The following GRIN2B variants were observed in gnomAD, a reference collection of about 807,000 sequenced individuals.
The protein encoded by GRIN2B is glutamate receptor ionotropic, NMDA 2B.
A neutral mutation model predicts 114.5 loss-of-function variants in GRIN2B; 5 were observed. That is an observed-to-expected ratio of 0.04 (90% confidence interval 0.02 to 0.09). The LOEUF (loss-of-function observed/expected upper bound fraction) is 0.09. Ranked by LOEUF, GRIN2B falls within the 10% of genes least tolerant of loss-of-function variation. The probability of loss-of-function intolerance (pLI) is 1.00; values close to 1 mark genes in which losing one functional copy is unlikely to be tolerated. For missense variants in GRIN2B, 1,108 were observed against 1,943.5 expected (o/e 0.57, Z 8.08); for synonymous variants, 787 against 745.1 (o/e 1.06, Z -0.92).
At chr12:13,729,920 C>G (rs1482458204) in intron 4 of GRIN2B, among the ~76,000 whole-genome samples, 1 of 151,558 alleles carries the variant, frequency 6.6e-6, no homozygotes, top group East Asian at 1.9e-4. Flanking sequence ...AAAATGCCAG[C>G]ATCTCTGGGC....
intron 3 of GRIN2B, among the ~76,000 whole-genome samples, chr12:13,848,942 G>A (rs944045609): frequency 6.6e-6 from 1 of 152,170 alleles, no homozygotes; most frequent in African/African-American, 2.4e-5. Flanking sequence ...GTAACTACTT[G>A]CTGGGTTACC....
intron 4 of GRIN2B, among the ~76,000 whole-genome samples, chr12:13,676,608 T>C (rs925729698): frequency 7.9e-5 from 12 of 152,114 alleles, no homozygotes; most frequent in Non-Finnish European, 5.9e-5. Flanking sequence ...GATTAAAGGT[T>C]GGAAGTGGTG....
Position 13,542,459 on chromosome 12 carries a change from G to A in GRIN2B, c.*20324C>T, listed in dbSNP as rs924126797. The A allele has an allele frequency of 6.6e-6, 1 of 152,154 alleles. No individual in the cohort carries two copies. Among genetic ancestry groups the A allele is most frequent in the Non-Finnish European group, 1.5e-5 (1 of 68,042 alleles). The allele number at this position is 152,154 out of a possible 1,614,324, so 9.4% of individuals were successfully genotyped here. A position where few individuals can be genotyped will look rare whatever the true frequency, so the allele number is the denominator to read the frequency against. On this transcript the variant is annotated 3_prime_UTR_variant, in exon 14 of 14. Transcript: ENST00000609686. ...AACATGTTGTGGCCTATCACAGTTAGCAGTGGGGTTTTTAGTAGAAGTTAA... is the reference window on the plus strand; with the variant it reads ...AACATGTTGTGGCCTATCACAGTTAACAGTGGGGTTTTTAGTAGAAGTTAA...
chr12:13,753,975 T>C lies in GRIN2B; in HGVS notation c.412-60A>G. 2 of 1,104,696 alleles carry C rather than the reference T, an allele frequency of 1.8e-6. No individual in the cohort carries two copies. Among genetic ancestry groups the C allele is most frequent in the East Asian group, 4.8e-5 (2 of 41,444 alleles). 68.4% of individuals were successfully genotyped at this position (1,104,696 alleles called of 1,614,324 possible). A position where few individuals can be genotyped will look rare whatever the true frequency, so the allele number is the denominator to read the frequency against. ...AAAAAAATCAAACCAAAGATGGTAA[T>C]GGAGATTTTGAACCAAGTGGGTACA... On this transcript the variant is annotated intron_variant, in intron 3 of 13. Transcript: ENST00000609686. The surrounding 1 kb of genome is among the most constrained non-coding windows in gnomAD (Gnocchi z 6.2).
intron 5 of GRIN2B, among the ~76,000 whole-genome samples, chr12:13,633,126 T>C (rs1047409924): frequency 1.3e-5 from 2 of 152,220 alleles, no homozygotes; most frequent in East Asian, 3.8e-4. Context: ...TCCCAGGTGC[T>C]GGGATCCTTG....
intron 2 of GRIN2B, among the ~76,000 whole-genome samples, chr12:13,966,559 C>G (rs551839709): frequency 6.6e-6 from 1 of 152,232 alleles, no homozygotes; most frequent in East Asian, 1.9e-4. Flanking sequence ...GCCAGATTGT[C>G]TTTTCTTGCC....
intron 3 of GRIN2B, among the ~76,000 whole-genome samples, chr12:13,843,514 A>G (rs557490399): frequency 2.2e-4 from 33 of 152,294 alleles, no homozygotes; most frequent in African/African-American, 7.9e-4. Context: ...CTGCACCTTC[A>G]GGCTTTCACA....
chr12:13,701,116 C>G (rs941707764), intron 4 of GRIN2B, among the ~76,000 whole-genome samples: 1 of 152,128 alleles, frequency 6.6e-6, no homozygotes, highest in African/African-American at 2.4e-5. Context: ...ACTTATAAAA[C>G]GTCGGATCTC....
rs141886903 is a variant in GRIN2B at position 13,563,686 on chromosome 12, G to T, written c.3552C>A (p.Gly1184=). ...CCCCGCTGACCACGCCGTGTTTGTC[G>T]CCCGTCCCGTGCTTGATGTGAGACC... ...TNRSHIKHGT[G]DKHGVVSGVP... is the part of the protein sequence containing the mutation. Residue 1184 remains glycine, a synonymous_variant, in exon 14 of 14, where the codon GGC becomes GGA. Transcript: ENST00000609686. 4 of 1,613,410 alleles carry T rather than the reference G, an allele frequency of 2.5e-6. No homozygotes were observed. Among genetic ancestry groups the T allele is most frequent in the East Asian group, 2.2e-5 (1 of 44,860 alleles).
At chr12:13,839,046 C>T (rs969071515) in intron 3 of GRIN2B, among the ~76,000 whole-genome samples, 3 of 151,788 alleles carry the variant, frequency 2.0e-5, no homozygotes, top group Admixed American at 2.0e-4. Flanking sequence ...ATTCACTCTG[C>T]CAACACATGG....
intron 2 of GRIN2B, among the ~76,000 whole-genome samples, chr12:13,911,522 G>A (rs966054828): frequency 6.6e-6 from 1 of 152,122 alleles, no homozygotes; most frequent in Non-Finnish European, 1.5e-5. Context: ...ACTTCTCCTT[G>A]GCTACCTGTT....
chr12:13,768,061 A>T (rs1863832145), intron 3 of GRIN2B, among the ~76,000 whole-genome samples: 1 of 152,202 alleles, frequency 6.6e-6, no homozygotes, highest in African/African-American at 2.4e-5. Flanking sequence ...CTTATTTATT[A>T]AATATGCACT....
chr12:13,974,392 AGACGACCCTGG>A, intron 2 of GRIN2B, among the ~76,000 whole-genome samples: 1 of 152,360 alleles, frequency 6.6e-6, no homozygotes, highest in East Asian at 1.9e-4. Flanking sequence ...CCTTCTTTTA[AGACGACCCTGG>A]CTTTATTCTC....
intron 10 of GRIN2B, among the ~76,000 whole-genome samples, chr12:13,575,518 G>A (rs1948762940): frequency 6.6e-6 from 1 of 151,984 alleles, no homozygotes; most frequent in African/African-American, 2.4e-5. Flanking sequence ...AATTAGCCGT[G>A]CGTGGTGGCA....
intron 4 of GRIN2B, among the ~76,000 whole-genome samples, chr12:13,694,656 CATAT>C (rs67570541): frequency 0.044 from 3,154 of 70,960 alleles, 146 homozygotes; most frequent in African/African-American, 0.068. Flanking sequence ...AAGAAAATGT[CATAT>C]ATATATATAT....
At chr12:13,766,434 A>G (rs1863790428) in intron 3 of GRIN2B, among the ~76,000 whole-genome samples, 1 of 152,142 alleles carries the variant, frequency 6.6e-6, no homozygotes, top group African/African-American at 2.4e-5. Context: ...ATCCATGTGC[A>G]TTTCAATCCA....
chr12:13,696,364 C>G (rs977204968), intron 4 of GRIN2B, among the ~76,000 whole-genome samples: 5 of 152,172 alleles, frequency 3.3e-5, no homozygotes, highest in African/African-American at 4.8e-5. Context: ...TAACTATCTT[C>G]ATTGTTCTTG....
intron 5 of GRIN2B, among the ~76,000 whole-genome samples, chr12:13,671,075 G>A (rs1241360902): frequency 2.0e-5 from 3 of 152,130 alleles, no homozygotes; most frequent in African/African-American, 7.2e-5. Context: ...GCATTGCTCT[G>A]GAGAGGGAAG....
chr12:13,861,943 T>C (rs1865759191), intron 3 of GRIN2B, among the ~76,000 whole-genome samples: 3 of 152,190 alleles, frequency 2.0e-5, no homozygotes, highest in Admixed American at 2.0e-4. Flanking sequence ...TATCACCTCA[T>C]TTAATCCTCG....
Sources: allele counts gnomAD v4.1 joint callset (sites outside exome capture counted in the v4.1 genomes callset), GRCh38; gene constraint gnomAD v4.1.1; non-coding constraint Gnocchi (gnomAD v3.1); transcripts MANE v1.5; gene names NCBI Gene and HGNC (gene_info 2026-07-23, HGNC 2026-07-21).